DNAH6: variants seen among roughly 807,000 people sequenced by gnomAD.
DNAH6 encodes the protein axonemal beta dynein heavy chain 6.
Under a neutral mutation model 491.4 loss-of-function variants are expected in DNAH6, and 340 were observed. The ratio of observed to expected loss-of-function variants is 0.69; its 90% confidence interval spans 0.63 to 0.76. The LOEUF (loss-of-function observed/expected upper bound fraction) is 0.76, where lower values mean the gene tolerates loss of function less well. DNAH6 is among the 30% of genes least tolerant of loss of function. DNAH6 has a pLI of 0.00. For synonymous variants in DNAH6, 1,603 were observed against 1,686.1 expected (o/e 0.95, Z 1.21); for missense variants, 4,443 against 4,972.2 (o/e 0.89, Z 3.20).
At position 84,722,786 on chromosome 2, in the gene DNAH6, A is replaced by G. The variant is rs1296122192; in HGVS notation, c.9954A>G (p.Ser3318=). 1 of 1,497,556 alleles carries G rather than the reference A, an allele frequency of 6.7e-7. No homozygotes were observed. The highest frequency in any genetic ancestry group is 8.9e-7 in the Non-Finnish European group (1 of 1,125,732). 92.8% of individuals were successfully genotyped at this position (1,497,556 alleles called of 1,614,324 possible). The part of the protein sequence containing the change: ...LSEIDPMYQY[S]LKYFKQLFNT... The stretch of plus-strand genomic sequence containing the variant: ...AAATAGATCCTATGTACCAGTACTC[A>G]TTAAAATACTTTAAACAGGTAAGTG... Residue 3318 remains serine, a synonymous_variant, in exon 60 of 77, where the codon TCA becomes TCG. Transcript: ENST00000389394.
the DNAH6 span, among the ~76,000 whole-genome samples, chr2:84,492,699 T>C: frequency 6.6e-6 from 1 of 152,210 alleles, no homozygotes; most frequent in Non-Finnish European, 1.5e-5. Flanking sequence ...AATAATCTTG[T>C]CATACACTTT....
the DNAH6 span, among the ~76,000 whole-genome samples, chr2:84,480,560 A>G: frequency 6.6e-6 from 1 of 152,218 alleles, no homozygotes; most frequent in African/African-American, 2.4e-5. Flanking sequence ...GAGAGACTAA[A>G]TCCTAGTAGA....
intron 64 of DNAH6, among the ~76,000 whole-genome samples, chr2:84,774,848 C>T (rs761410785): frequency 6.6e-5 from 10 of 151,958 alleles, no homozygotes; most frequent in African/African-American, 9.7e-5. Context: ...TAAATGTTAT[C>T]GTTGTATAGA....
At chr2:84,601,909 T>G (rs1007290876) in intron 18 of DNAH6, among the ~76,000 whole-genome samples, 2 of 152,002 alleles carry the variant, frequency 1.3e-5, no homozygotes, top group African/African-American at 4.8e-5. Flanking sequence ...AGAAAATTGT[T>G]TAAAATTGTT....
chr2:84,590,348 A>G (rs1457554005), intron 16 of DNAH6, among the ~76,000 whole-genome samples: 1 of 151,932 alleles, frequency 6.6e-6, no homozygotes, highest in African/African-American at 2.4e-5. Context: ...ACAAAAAATT[A>G]GCTGGGCGTA....
At chr2:84,525,065 A>G (rs888211171) in intron 2 of DNAH6, among the ~76,000 whole-genome samples, 8 of 152,132 alleles carry the variant, frequency 5.3e-5, no homozygotes, top group African/African-American at 1.9e-4. Context: ...ATTATAATGA[A>G]TTCTTCACTT....
chr2:84,657,856 A>G (rs1483002466), intron 35 of DNAH6, among the ~76,000 whole-genome samples: 1 of 152,066 alleles, frequency 6.6e-6, no homozygotes. Flanking sequence ...GACAAAGTTG[A>G]ATAAGAGTAG....
At chr2:84,782,601 C>G (rs1302669300) in intron 65 of DNAH6, among the ~76,000 whole-genome samples, 2 of 152,202 alleles carry the variant, frequency 1.3e-5, no homozygotes, top group Admixed American at 1.3e-4. Context: ...ACCCACAAGC[C>G]TTCTGCAGGC....
At chr2:84,658,564 A>T in intron 36 of DNAH6, 90 bp downstream of exon 36, 1 of 953,592 alleles carries the variant, frequency 1.0e-6, no homozygotes, top group Non-Finnish European at 1.5e-6. Context: ...TCTAAAATAT[A>T]ACCATTTGAT....
At chr2:84,667,035 G>A (rs1487162034) in intron 37 of DNAH6, among the ~76,000 whole-genome samples, 1 of 152,160 alleles carries the variant, frequency 6.6e-6, no homozygotes, top group East Asian at 1.9e-4. Context: ...GGGAAAACTG[G>A]CTAGCCATAT....
At chr2:84,499,458 G>A in the DNAH6 span, among the ~76,000 whole-genome samples, 1 of 152,140 alleles carries the variant, frequency 6.6e-6, no homozygotes, top group Non-Finnish European at 1.5e-5. Context: ...GGACACTTAG[G>A]TTGCTTCCAC....
Position 84,681,413 on chromosome 2 carries a change from A to G in DNAH6, c.6801A>G (p.Ser2267=), listed in dbSNP as rs1180157731. The G allele has an allele frequency of 3.9e-6, 6 of 1,551,554 alleles. No individual in the cohort carries two copies. Among genetic ancestry groups the G allele is most frequent in the Non-Finnish European group, 4.4e-6 (5 of 1,146,932 alleles). Residue 2267 remains serine, a synonymous_variant, in exon 42 of 77, where the codon TCA becomes TCG. Transcript: ENST00000389394. ...DFPPAVKQTA[S]SIVEASVEIY... ...CACCAGCTGTAAAGCAAACTGCATC[A>G]AGCATTGTAGAAGCCTCAGTTGAGA...
At chr2:84,741,146 T>C (rs1383390360) in intron 62 of DNAH6, among the ~76,000 whole-genome samples, 1 of 151,982 alleles carries the variant, frequency 6.6e-6, no homozygotes, top group Non-Finnish European at 1.5e-5. Flanking sequence ...TTGGACATTG[T>C]CCTAGGTATA....
intron 23 of DNAH6, among the ~76,000 whole-genome samples, chr2:84,618,657 A>T (rs1189913132): frequency 2.0e-5 from 3 of 152,168 alleles, no homozygotes; most frequent in Non-Finnish European, 4.4e-5. Context: ...TTAATAGTTA[A>T]TTGCTGTAAC....
At chr2:84,664,183 G>T (rs1031058179) in intron 37 of DNAH6, among the ~76,000 whole-genome samples, 6 of 152,232 alleles carry the variant, frequency 3.9e-5, no homozygotes, top group African/African-American at 1.4e-4. Context: ...GGAAGAAACT[G>T]CATCAACTAA....
intron 41 of DNAH6, among the ~76,000 whole-genome samples, chr2:84,679,145 A>G (rs1693533508): frequency 6.6e-6 from 1 of 152,216 alleles, no homozygotes; most frequent in Admixed American, 6.5e-5. Flanking sequence ...CTACTGTATA[A>G]AAGAAGCCTA....
intron 37 of DNAH6, among the ~76,000 whole-genome samples, chr2:84,663,714 A>G (rs1691775166): frequency 6.6e-6 from 1 of 152,184 alleles, no homozygotes; most frequent in African/African-American, 2.4e-5. Flanking sequence ...CTAGCAAGAC[A>G]GGCCAACATT....
chr2:84,671,166 T>C (rs538197633), intron 39 of DNAH6, among the ~76,000 whole-genome samples: 2 of 152,110 alleles, frequency 1.3e-5, no homozygotes, highest in African/African-American at 4.8e-5. Context: ...CCCTAGCCAG[T>C]GTTCAGATGG....
At chr2:84,602,482 C>CTTTTT (rs3029846) in intron 18 of DNAH6, among the ~76,000 whole-genome samples, 5 of 32,026 alleles carry the variant, frequency 1.6e-4, no homozygotes, top group Non-Finnish European at 2.1e-4. Flanking sequence ...TGTTGTGTCC[C>CTTTTT]TTTTTTTTTT....
Sources: gnomAD v4.1 joint callset for allele counts (sites outside exome capture counted in the v4.1 genomes callset) on GRCh38, gnomAD v4.1.1 for gene constraint, MANE v1.5 for transcripts, NCBI Gene and HGNC (gene_info 2026-07-23, HGNC 2026-07-21) for gene names.